Variants in NBPF8 observed in about 807,000 individuals in gnomAD.
NBPF8 encodes NBPF family member NBPF8.
chr1:120,419,232 T>C (rs1660506646), upstream of NBPF8, among the ~76,000 whole-genome samples: 1 of 152,224 alleles, frequency 6.6e-6, no homozygotes, highest in Non-Finnish European at 1.5e-5. Context: ...TAAACCTTTG[T>C]ATGTGTTGCT....
chr1:120,462,430 C>A (rs1262802264), intron 20 of NBPF8, among the ~76,000 whole-genome samples: 1 of 147,356 alleles, frequency 6.8e-6, no homozygotes, highest in African/African-American at 2.5e-5. Context: ...ATGGCAACTG[C>A]ATGGAGTCTT....
At position 120,460,642 on chromosome 1, in the gene NBPF8, T is replaced by C; in HGVS notation, n.2836+18T>C. The C allele has an allele frequency of 8.7e-7, 1 of 1,155,192 alleles. No individual in the cohort carries two copies. The highest frequency in any genetic ancestry group is 1.3e-6 in the Non-Finnish European group (1 of 775,296). The allele number at this position is 1,155,192 out of a possible 1,614,324, so 71.6% of individuals were successfully genotyped here. ...GGTCCCAGGTGAGTCTGAGAAATTG[T>C]GGACAGTTAATTTGATGTTGACACC... On this transcript the variant is annotated intron_variant and non_coding_transcript_variant, in intron 18 of 24. Coordinates refer to ENST00000583271, the Ensembl canonical transcript of NBPF8.
At chr1:120,468,574 G>GGC (rs1375933521), downstream of NBPF8, among the ~76,000 whole-genome samples, 1 of 151,190 alleles carries the variant, frequency 6.6e-6, no homozygotes, top group Non-Finnish European at 1.5e-5. Context: ...ATTTCTGCCA[G>GGC]TTACTTCACT....
chr1:120,419,663 T>C (rs1166733647), upstream of NBPF8, among the ~76,000 whole-genome samples: 2 of 146,032 alleles, frequency 1.4e-5, no homozygotes, highest in Non-Finnish European at 3.0e-5. Context: ...GGTCTTACTA[T>C]GTTGCCGAGG....
intron 2 of NBPF8, among the ~76,000 whole-genome samples, chr1:120,426,812 A>G (rs2101520549): frequency 6.6e-6 from 1 of 152,160 alleles, no homozygotes; most frequent in South Asian, 2.1e-4. Context: ...GATGGGACAG[A>G]CATAGAATAA....
rs1285314486 is a variant in NBPF8 at position 120,466,275 on chromosome 1, C to T, written n.3866C>T. ...TTCCTGCAGGCAGGACCTATAGGCGCCTGAAGATTTGAATGAAACTATAGT... is the reference window on the plus strand; with the variant it reads ...TTCCTGCAGGCAGGACCTATAGGCGTCTGAAGATTTGAATGAAACTATAGT... On this transcript the variant is annotated non_coding_transcript_exon_variant, in exon 25 of 25. Coordinates refer to ENST00000583271, the Ensembl canonical transcript of NBPF8. 1.5e-5 allele frequency: 24 copies of T among 1,596,776 alleles called. No individual in the cohort carries two copies. In the Admixed American group the frequency reaches 2.4e-4, roughly 16 times the overall value.
chr1:120,454,476 C>A (rs1264227767), intron 15 of NBPF8, among the ~76,000 whole-genome samples: 1 of 152,124 alleles, frequency 6.6e-6, no homozygotes, highest in African/African-American at 2.4e-5. Flanking sequence ...AGGAAGCTGG[C>A]AGCCTTGCCT....
chr1:120,451,813 C>T (rs1377437411), intron 12 of NBPF8, among the ~76,000 whole-genome samples: 1 of 149,492 alleles, frequency 6.7e-6, no homozygotes, highest in Non-Finnish European at 1.5e-5. Flanking sequence ...TTGTCCATGG[C>T]CAGAGTGAGG....
At chr1:120,465,954 C>T in intron 24 of NBPF8, 24 bp from the exon 23 acceptor site, 7 of 1,611,812 alleles carry the variant, frequency 4.3e-6, no homozygotes, top group Non-Finnish European at 4.2e-6. Context: ...CTGGCTGCTT[C>T]TTTAGTTTTG....
intron 11 of NBPF8, 25 bp from the exon 10 acceptor site, chr1:120,451,155 G>A: frequency 6.3e-6 from 10 of 1,594,548 alleles, no homozygotes; most frequent in South Asian, 3.3e-5. Flanking sequence ...CTTCCACTGA[G>A]GCAGGCGTGT....
chr1:120,431,666 T>A (rs1660884996), upstream of NBPF8, among the ~76,000 whole-genome samples: 1 of 150,662 alleles, frequency 6.6e-6, no homozygotes, highest in African/African-American at 2.4e-5. Flanking sequence ...CTTGGAAGTC[T>A]TATACTTGTA....
intron 17 of NBPF8, among the ~76,000 whole-genome samples, 186 bp from the exon 16 acceptor site, chr1:120,460,387 T>C (rs1319574562): frequency 3.3e-5 from 5 of 152,180 alleles, no homozygotes; most frequent in African/African-American, 4.8e-5. Flanking sequence ...TGCCCAAGGC[T>C]CATGAAAGAA....
chr1:120,423,154 A>T (rs1660618609), intron 1 of NBPF8, among the ~76,000 whole-genome samples: 2 of 136,660 alleles, frequency 1.5e-5, no homozygotes, highest in Non-Finnish European at 3.0e-5. Flanking sequence ...ATTTTTTTTC[A>T]TTAGTAGATT....
chr1:120,416,641 T>G (rs1355613126), upstream of NBPF8, among the ~76,000 whole-genome samples: 1 of 115,278 alleles, frequency 8.7e-6, no homozygotes, highest in Admixed American at 9.1e-5. Context: ...GTACAGGTAA[T>G]GAATTTTTAC....
upstream of NBPF8, chr1:120,432,986 T>A (rs1293503447): frequency 6.6e-6 from 1 of 152,052 alleles, no homozygotes. Flanking sequence ...ATAATAGAGA[T>A]TAACAGCCAG....
chr1:120,460,518 T>C, intron 17 of NBPF8, 55 bp from the exon 16 acceptor site: 1 of 978,202 alleles, frequency 1.0e-6, no homozygotes, highest in South Asian at 1.3e-5. Context: ...GGAATGTTTC[T>C]GTGTGCAAGG....
chr1:120,435,821 G>A (rs1288261448), upstream of NBPF8, among the ~76,000 whole-genome samples: 12 of 151,498 alleles, frequency 7.9e-5, no homozygotes, highest in East Asian at 1.4e-3. Flanking sequence ...AGCCTAGATC[G>A]CGTCACTGCA....
Position 120,428,690 on chromosome 1 carries a change from G to T in NBPF8, n.510+843G>T, listed in dbSNP as rs1377075154. On this transcript the variant is annotated intron_variant and non_coding_transcript_variant, in intron 3 of 28. Transcript: ENST00000652355. ...TGACTCTGGGGCCATGCGGTCTGTG[G>T]TTCTCTGTGAGCATCTCTTCTATTC... 1.1e-4 allele frequency among the ~76,000 whole-genome samples: 17 copies of T among 151,982 alleles called. No individual in the cohort carries two copies. In the East Asian group the frequency reaches 3.3e-3, roughly 29 times the overall value.
chr1:120,418,498 T>G (rs1314669435), upstream of NBPF8, among the ~76,000 whole-genome samples: 1 of 150,100 alleles, frequency 6.7e-6, no homozygotes, highest in Non-Finnish European at 1.5e-5. Flanking sequence ...AGGGCCGACG[T>G]GATATGATGT....
Sources: allele counts gnomAD v4.1 joint callset (sites outside exome capture counted in the v4.1 genomes callset), GRCh38; gene constraint gnomAD v4.1.1; transcripts MANE v1.5; gene names NCBI Gene and HGNC (gene_info 2026-07-23, HGNC 2026-07-21).